The following CDH6 variants were observed in gnomAD, a reference collection of about 807,000 sequenced individuals.
CDH6 encodes cadherin-6.
Under a neutral mutation model 78.0 loss-of-function variants are expected in CDH6, and 31 were observed. The ratio of observed to expected loss-of-function variants is 0.40; its 90% CI spans 0.30 to 0.54. The LOEUF (loss-of-function observed/expected upper bound fraction) is 0.54, where lower values mean the gene tolerates loss of function less well. CDH6 is among the 20% of genes least tolerant of loss of function. The pLI is 0.56. For synonymous variants in CDH6, 376 were observed against 368.8 expected (o/e 1.02, Z -0.23); for missense variants, 724 against 975.9 (o/e 0.74, Z 3.44).
intron 1 of CDH6, among the ~76,000 whole-genome samples, chr5:31,259,994 A>G (rs1237018818): frequency 2.0e-5 from 3 of 152,222 alleles, no homozygotes; most frequent in South Asian, 2.1e-4. Context: ...AAGTTAATCC[A>G]CAAATGAGGA....
chr5:31,194,171 G>A (rs1043751655), intron 1 of CDH6, among the ~76,000 whole-genome samples: 24 of 152,080 alleles, frequency 1.6e-4, no homozygotes, highest in Non-Finnish European at 3.1e-4. Context: ...GGGCTGGGTG[G>A]GGGCACCGGG....
intron 6 of CDH6, among the ~76,000 whole-genome samples, chr5:31,303,049 T>C (rs184010471): frequency 1.3e-5 from 2 of 152,288 alleles, no homozygotes; most frequent in Non-Finnish European, 2.9e-5. Context: ...ATGATATGCA[T>C]TCATGTTAAT....
intron 6 of CDH6, among the ~76,000 whole-genome samples, chr5:31,302,793 AGAGAGAG>A (rs1737820062): frequency 3.1e-5 from 2 of 63,616 alleles, no homozygotes; most frequent in Non-Finnish European, 6.4e-5. Context: ...AGAGAGAGAG[AGAGAGAG>A]AAAGAAAGAA....
At chr5:31,270,425 G>A (rs957587531) in intron 2 of CDH6, among the ~76,000 whole-genome samples, 6 of 152,124 alleles carry the variant, frequency 3.9e-5, no homozygotes, top group Admixed American at 1.3e-4. Context: ...CTTACAAATG[G>A]TATGTGTGCA....
intron 1 of CDH6, among the ~76,000 whole-genome samples, chr5:31,211,278 A>C (rs542877165): frequency 6.6e-6 from 1 of 152,204 alleles, no homozygotes; most frequent in African/African-American, 2.4e-5. Context: ...AGCACTTTCC[A>C]TGCTCTGTGG....
intron 2 of CDH6, among the ~76,000 whole-genome samples, chr5:31,290,193 G>C (rs1743119965): frequency 6.6e-6 from 1 of 152,194 alleles, no homozygotes; most frequent in Admixed American, 6.5e-5. Flanking sequence ...CTGGAAGGCA[G>C]TGGTTGCAGT....
At chr5:31,270,169 T>A (rs982282034) in intron 2 of CDH6, among the ~76,000 whole-genome samples, 1 of 152,182 alleles carries the variant, frequency 6.6e-6, no homozygotes, top group African/African-American at 2.4e-5. Context: ...AGACACCTGA[T>A]GCGATTATCC....
intron 8 of CDH6, 69 bp from the exon 9 acceptor site, chr5:31,316,139 G>T: frequency 6.6e-7 from 1 of 1,516,552 alleles, no homozygotes; most frequent in Non-Finnish European, 8.9e-7. Context: ...GGAGTTGAGC[G>T]GATGTTGTCT....
At chr5:31,292,754 T>G (rs1389885222) in intron 2 of CDH6, among the ~76,000 whole-genome samples, 1 of 56,348 alleles carries the variant, frequency 1.8e-5, no homozygotes, top group Non-Finnish European at 3.4e-5. Flanking sequence ...TGAATATATA[T>G]ATATATATGT....
chr5:31,295,665 A>G (rs1304701729), intron 3 of CDH6, among the ~76,000 whole-genome samples: 1 of 152,210 alleles, frequency 6.6e-6, no homozygotes. Flanking sequence ...GGACAACAGC[A>G]TGGGAGCAAA....
At chr5:31,307,974 T>C (rs1276536051) in intron 7 of CDH6, among the ~76,000 whole-genome samples, 1 of 152,194 alleles carries the variant, frequency 6.6e-6, no homozygotes, top group East Asian at 1.9e-4. Context: ...ATGGATTTGA[T>C]ACGTAGATAT....
At chr5:31,265,316 A>G (rs961600179) in intron 1 of CDH6, among the ~76,000 whole-genome samples, 2 of 152,208 alleles carry the variant, frequency 1.3e-5, no homozygotes, top group East Asian at 3.8e-4. Flanking sequence ...CTGCATTATG[A>G]CAAGTATACT....
chr5:31,302,919 G>GAAAGAAAGAAAGAAAGAA (rs1561066400), intron 6 of CDH6, among the ~76,000 whole-genome samples: 11 of 116,648 alleles, frequency 9.4e-5, no homozygotes, highest in Non-Finnish European at 1.7e-4. Context: ...AAGAAAGAAA[G>GAAAGAAAGAAAGAAAGAA]AAAGAAAGAA....
intron 1 of CDH6, among the ~76,000 whole-genome samples, chr5:31,229,908 A>G (rs1277367651): frequency 6.6e-6 from 1 of 152,186 alleles, no homozygotes; most frequent in Non-Finnish European, 1.5e-5. Flanking sequence ...CAGGCCAGTG[A>G]CTTGGATCCT....
intron 1 of CDH6, among the ~76,000 whole-genome samples, chr5:31,207,008 G>GCACAAAT (rs2111791819): frequency 6.6e-6 from 1 of 152,062 alleles, no homozygotes; most frequent in Non-Finnish European, 1.5e-5. Context: ...AAAGCACAAA[G>GCACAAAT]CCATACATAT....
At position 31,193,903 on chromosome 5, in the gene CDH6, T is replaced by C. The variant is rs1740082813; in HGVS notation, c.-129+17T>C. 1 of 150,514 alleles carries C rather than the reference T, an allele frequency of 6.6e-6. No homozygotes were observed. The highest frequency in any genetic ancestry group is 1.5e-5 in the Non-Finnish European group (1 of 67,962). The allele number at this position is 150,514 out of a possible 1,614,324, so 9.3% of individuals were successfully genotyped here. The stretch of plus-strand genomic sequence containing the variant: ...CGAGCAGAGGTGGGTTCGGGCTCCG[T>C]TGGCTATGCATACATCTCCCTTTTT... On this transcript the variant is annotated intron_variant, in intron 1 of 11. Transcript: ENST00000265071.
rs565934047 is a variant in CDH6, at chr5:31,323,844, A to G, written c.*536A>G. The G allele has an allele frequency of 4.3e-6, 1 of 230,540 alleles. No individual in the cohort carries two copies. The highest frequency in any genetic ancestry group is 5.6e-5 in the Admixed American group (1 of 17,732). The allele number at this position is 230,540 out of a possible 1,614,324, so 14.3% of individuals were successfully genotyped here. Reference sequence around the variant, plus strand: ...TTGTTCTTCAAGAACTTTCTCTGCCATCAACTACTATTCAAAACCTCAAAT... The same window carrying G: ...TTGTTCTTCAAGAACTTTCTCTGCCGTCAACTACTATTCAAAACCTCAAAT... On this transcript the variant is annotated 3_prime_UTR_variant, in exon 12 of 12. Transcript: ENST00000265071.
intron 1 of CDH6, among the ~76,000 whole-genome samples, chr5:31,228,585 T>A (rs1741229047): frequency 6.6e-6 from 1 of 151,972 alleles, no homozygotes; most frequent in Admixed American, 6.6e-5. Context: ...TGGAAGAAAA[T>A]TTTTCCACAG....
At chr5:31,212,349 T>TA (rs1443410096) in intron 1 of CDH6, among the ~76,000 whole-genome samples, 11 of 152,320 alleles carry the variant, frequency 7.2e-5, no homozygotes, top group African/African-American at 2.4e-4. Context: ...GCAAGCTTTT[T>TA]AAAAAATTTT....
Sources: gnomAD v4.1 joint callset for allele counts (sites outside exome capture counted in the v4.1 genomes callset) on GRCh38, gnomAD v4.1.1 for gene constraint, MANE v1.5 for transcripts, NCBI Gene and HGNC (gene_info 2026-07-23, HGNC 2026-07-21) for gene names.